CTNNA2: variants seen among roughly 807,000 people sequenced by gnomAD.
CTNNA2 encodes the protein catenin alpha 2, also known as catenin alpha-2.
A neutral mutation model predicts 101.0 loss-of-function variants in CTNNA2; 42 were observed. The ratio of observed to expected loss-of-function variants is 0.42; its 90% CI spans 0.32 to 0.54. The LOEUF (loss-of-function observed/expected upper bound fraction) is 0.54, where lower values mean the gene tolerates loss of function less well. Among genes scored for constraint, CTNNA2 ranks in the 20% least tolerant of loss-of-function variants. CTNNA2 has a pLI of 0.14. For synonymous variants in CTNNA2, 450 were observed against 456.4 expected, an observed-to-expected ratio of 0.99 and a Z score of 0.18; for missense variants, 871 against 1,223.1, an observed-to-expected ratio of 0.71 and a Z score of 4.29.
At chr2:79,981,829 T>C (rs895840457) in intron 7 of CTNNA2, among the ~76,000 whole-genome samples, 1 of 151,940 alleles carries the variant, frequency 6.6e-6, no homozygotes, top group African/African-American at 2.4e-5. Context: ...TCTGGAGAAA[T>C]GAAATAGGAA....
chr2:79,909,740 G>A lies in CTNNA2; in HGVS notation c.999G>A (p.Ala333=), dbSNP rs1574287651. 3 of 1,613,584 alleles carry A rather than the reference G, an allele frequency of 1.9e-6. No homozygotes were observed. The highest frequency in any genetic ancestry group is 1.6e-4 in the Middle Eastern group (1 of 6,082). Residue 333 remains alanine, a synonymous_variant, in exon 7 of 19, where the codon GCG becomes GCA. Coordinates refer to ENST00000402739, the MANE Select transcript of CTNNA2 (RefSeq NM_001282597.3). ...TRDDRRERIV[A]ECNAVRQALQ... The stretch of plus-strand genomic sequence containing the variant: ...ACGACCGGCGCGAGAGGATCGTGGC[G>A]GAGTGCAACGCCGTGCGGCAGGCGC...
chr2:79,924,420 G>C (rs1460140324), intron 7 of CTNNA2, among the ~76,000 whole-genome samples: 1 of 152,008 alleles, frequency 6.6e-6, no homozygotes, highest in Non-Finnish European at 1.5e-5. Context: ...TACTACTGCT[G>C]TTTGCTTCTG....
At chr2:79,603,424 A>T (rs1396871461) in intron 1 of CTNNA2, among the ~76,000 whole-genome samples, 1 of 152,228 alleles carries the variant, frequency 6.6e-6, no homozygotes. Context: ...CTTTGGAATG[A>T]CAAAACTTAT....
intron 7 of CTNNA2, among the ~76,000 whole-genome samples, chr2:80,192,652 G>A (rs141117333): frequency 6.8e-4 from 104 of 151,984 alleles, no homozygotes; most frequent in African/African-American, 2.3e-3. Context: ...TCAGCCTCCC[G>A]AGTAGCTAGG....
chr2:79,594,885 G>C (rs1677088023), intron 1 of CTNNA2, among the ~76,000 whole-genome samples: 1 of 151,654 alleles, frequency 6.6e-6, no homozygotes, highest in East Asian at 1.9e-4. Context: ...ACAAAAGAAG[G>C]AAAAAAGAAT....
At chr2:79,359,678 C>T (rs968627033) in intron 3 of CTNNA2, among the ~76,000 whole-genome samples, 1 of 152,132 alleles carries the variant, frequency 6.6e-6, no homozygotes, top group Non-Finnish European at 1.5e-5. Context: ...ATCACTTACC[C>T]CCAAATGCCT....
intron 7 of CTNNA2, among the ~76,000 whole-genome samples, chr2:80,070,645 A>C (rs544123228): frequency 4.6e-4 from 69 of 151,444 alleles, no homozygotes; most frequent in Non-Finnish European, 1.6e-4. Context: ...TGAGCCTGGG[A>C]GGTCGAGGCT....
chr2:79,349,131 C>T (rs969329853), intron 3 of CTNNA2, among the ~76,000 whole-genome samples: 2 of 152,178 alleles, frequency 1.3e-5, no homozygotes, highest in Non-Finnish European at 2.9e-5. Flanking sequence ...GGCTTCTTTG[C>T]ATATTCTGAT....
intron 2 of CTNNA2, among the ~76,000 whole-genome samples, chr2:79,235,926 G>A (rs540418489): frequency 2.1e-4 from 32 of 152,308 alleles, no homozygotes; most frequent in African/African-American, 7.0e-4. Context: ...GGGGCAACAG[G>A]ACGCTACCCC....
chr2:80,480,683 G>T (rs151191046), intron 9 of CTNNA2, among the ~76,000 whole-genome samples: 1 of 152,118 alleles, frequency 6.6e-6, no homozygotes, highest in African/African-American at 2.4e-5. Flanking sequence ...AAATTAGGAT[G>T]CTCTGTTGAT....
At position 79,775,737 on chromosome 2, in the gene CTNNA2, T is replaced by C. The variant is rs542708061; in HGVS notation, c.298+31155T>C. Among the ~76,000 whole-genome samples the C allele has an allele frequency of 8.5e-5, 13 of 152,320 alleles. No individual in the cohort carries two copies. In the South Asian group the frequency reaches 2.7e-3, roughly 32 times the overall value. On this transcript the variant is annotated intron_variant, in intron 3 of 18. Coordinates refer to ENST00000402739, the MANE Select transcript of CTNNA2 (RefSeq NM_001282597.3). ...CAAATAAATGCCATTTTCTGTGTTA[T>C]CTTTATTCTTGAGTTTTTTGGTAGG...
intron 2 of CTNNA2, among the ~76,000 whole-genome samples, chr2:79,678,674 C>T (rs905920320): frequency 6.6e-6 from 1 of 152,190 alleles, no homozygotes; most frequent in African/African-American, 2.4e-5. Context: ...CAGATCCCTC[C>T]CTGTCTGACT....
chr2:79,973,329 C>G (rs1009902583), intron 7 of CTNNA2, among the ~76,000 whole-genome samples: 5 of 152,200 alleles, frequency 3.3e-5, no homozygotes, highest in African/African-American at 1.2e-4. Flanking sequence ...ATTCTCAGGT[C>G]TTTCCTGAAG....
intron 7 of CTNNA2, among the ~76,000 whole-genome samples, chr2:80,349,070 C>T (rs1028045566): frequency 7.9e-5 from 12 of 152,106 alleles, no homozygotes; most frequent in Non-Finnish European, 1.6e-4. Flanking sequence ...ACTTCATAGC[C>T]AGCCATGAAA....
chr2:79,556,956 A>G (rs1392102020), intron 1 of CTNNA2, among the ~76,000 whole-genome samples: 1 of 151,958 alleles, frequency 6.6e-6, no homozygotes, highest in Non-Finnish European at 1.5e-5. Flanking sequence ...GTTACCCTAC[A>G]TGCTTGCATT....
Position 79,200,468 on chromosome 2 carries a change from T to C in CTNNA2, c.-406+2392T>C, listed in dbSNP as rs565787684. Reference sequence around the variant, plus strand: ...AAGATCTGAAACAAACTTGTCTATTTACACTTTTGGGGTTCCATAAGGAAA... The same window carrying C: ...AAGATCTGAAACAAACTTGTCTATTCACACTTTTGGGGTTCCATAAGGAAA... On this transcript the variant is annotated intron_variant, in intron 2 of 21. Transcript: ENST00000466387. Among the ~76,000 whole-genome samples the C allele has an allele frequency of 1.6e-3, 242 of 152,074 alleles. 1 individual carries two copies. Among genetic ancestry groups the C allele is most frequent in the Non-Finnish European group, 2.6e-3 (177 of 67,998 alleles).
intron 7 of CTNNA2, among the ~76,000 whole-genome samples, chr2:80,366,598 T>G (rs1674957901): frequency 6.6e-6 from 1 of 152,136 alleles, no homozygotes; most frequent in South Asian, 2.1e-4. Flanking sequence ...AACCTTGTGG[T>G]GGTGGCCATG....
chr2:80,046,699 A>G (rs1384059017), intron 7 of CTNNA2, among the ~76,000 whole-genome samples: 4 of 152,186 alleles, frequency 2.6e-5, no homozygotes, highest in Non-Finnish European at 4.4e-5. Flanking sequence ...TGTCCACCAA[A>G]GGACTCGAAG....
At chr2:80,159,249 T>G (rs1297670435) in intron 7 of CTNNA2, among the ~76,000 whole-genome samples, 1 of 152,226 alleles carries the variant, frequency 6.6e-6, no homozygotes, top group Non-Finnish European at 1.5e-5. Context: ...ACAGCAAAAT[T>G]GAGAAGAAGG....
Sources: allele counts gnomAD v4.1 joint callset (sites outside exome capture counted in the v4.1 genomes callset), GRCh38; gene constraint gnomAD v4.1.1; transcripts MANE v1.5; gene names NCBI Gene and HGNC (gene_info 2026-07-23, HGNC 2026-07-21).